COPB1: variants seen among roughly 807,000 people sequenced by gnomAD.
COPB1 encodes coatomer subunit beta.
COPB1 carries 21 observed loss-of-function variants against 108.7 expected under a neutral mutation model. The observed-to-expected ratio is 0.19, with a 90% confidence interval of 0.14 to 0.28. The LOEUF is 0.28. Among genes scored for constraint, COPB1 ranks in the 10% least tolerant of loss-of-function variants. The pLI is 1.00. For synonymous variants in COPB1, 378 were observed against 386.8 expected, an observed-to-expected ratio of 0.98 and a Z score of 0.27; for missense variants, 919 against 1,141.3, an observed-to-expected ratio of 0.81 and a Z score of 2.81.
intron 21 of COPB1, 49 bp from the exon 22 acceptor site, chr11:14,457,932 C>A: frequency 8.8e-7 from 1 of 1,136,668 alleles, no homozygotes; most frequent in South Asian, 1.5e-5. Context: ...TATGTACAAT[C>A]AGTAGGTTAT....
intron 2 of COPB1, among the ~76,000 whole-genome samples, chr11:14,496,155 T>A (rs1851012276): frequency 6.6e-6 from 1 of 152,244 alleles, no homozygotes; most frequent in African/African-American, 2.4e-5. Flanking sequence ...ATTTGAAGCA[T>A]AATTTTCACT....
chr11:14,494,377 C>G lies in COPB1; in HGVS notation c.154G>C (p.Gly52Arg). 1 of 1,612,864 alleles carries G rather than the reference C, an allele frequency of 6.2e-7. No homozygotes were observed. The highest frequency in any genetic ancestry group is 8.5e-7 in the Non-Finnish European group (1 of 1,179,300). ...LKKVIIMILNGEKLPGLLMTI... is the reference protein window; with the variant it reads ...LKKVIIMILNREKLPGLLMTI... ...ATCAGAAGTCCAGGAAGTTTTTCAC[C>G]ATTCAGAATCATAATGATTACTTTC... is the stretch of plus-strand genomic sequence containing the variant. The change falls in exon 3 of 22, where the codon GGT (glycine) becomes CGT (arginine). Residue 52 changes from glycine to arginine, a missense_variant. Coordinates refer to ENST00000439561, the MANE Select transcript of COPB1 (RefSeq NM_001144061.2).
intron 16 of COPB1, among the ~76,000 whole-genome samples, chr11:14,468,160 C>T (rs571077866): frequency 6.6e-6 from 1 of 152,182 alleles, no homozygotes; most frequent in African/African-American, 2.4e-5. Flanking sequence ...CTGCTACTGA[C>T]CTTATCTTAA....
At chr11:14,497,630 G>A (rs1851052463) in intron 2 of COPB1, among the ~76,000 whole-genome samples, 2 of 152,174 alleles carry the variant, frequency 1.3e-5, no homozygotes, top group Admixed American at 1.3e-4. Context: ...AGAACAGTTT[G>A]GAGGGTCCTC....
chr11:14,491,391 C>T (rs560528984), intron 4 of COPB1, among the ~76,000 whole-genome samples: 5 of 152,134 alleles, frequency 3.3e-5, no homozygotes, highest in South Asian at 2.1e-4. Context: ...GAGAAGGAGC[C>T]GGGCGCAGTG....
intron 2 of COPB1, among the ~76,000 whole-genome samples, chr11:14,495,736 A>G (rs1383072710): frequency 5.9e-5 from 9 of 152,216 alleles, no homozygotes; most frequent in African/African-American, 2.2e-4. Flanking sequence ...GGAGGAAGGT[A>G]GCTAAGGCAG....
chr11:14,492,293 T>C (rs1850920517), intron 4 of COPB1, among the ~76,000 whole-genome samples: 1 of 152,074 alleles, frequency 6.6e-6, no homozygotes, highest in South Asian at 2.1e-4. Context: ...TTGTGTAGTC[T>C]GTATGGTAAC....
Position 14,481,077 on chromosome 11 carries a change from T to C in COPB1, c.978A>G (p.Leu326=). 6.2e-7 allele frequency: 1 copy of C among 1,613,046 alleles called. No individual in the cohort carries two copies. The highest frequency in any genetic ancestry group is 8.5e-7 in the Non-Finnish European group (1 of 1,179,654). Residue 326 remains leucine (L), a synonymous_variant, in exon 9 of 22, where the codon CTA becomes CTG. Coordinates refer to ENST00000439561, the MANE Select transcript of COPB1 (RefSeq NM_001144061.2). The part of the protein sequence containing the change: ...RVLQDLVMDI[L]RVLSTPDLEV... ...CTAAGTCTGGTGTGCTCAATACTCT[T>C]AGGATATCCATAACCAGATCCTAAA...
intron 8 of COPB1, 122 bp downstream of exon 8, chr11:14,482,910 G>C: frequency 1.2e-6 from 1 of 834,018 alleles, no homozygotes; most frequent in Non-Finnish European, 1.8e-6. Context: ...CACTTTAGCT[G>C]ATCAAAATAT....
chr11:14,494,995 T>C (rs1565025607), intron 2 of COPB1, among the ~76,000 whole-genome samples: 2 of 152,244 alleles, frequency 1.3e-5, no homozygotes, highest in African/African-American at 4.8e-5. Flanking sequence ...TGTAAAACTT[T>C]AGAATCTTTC....
chr11:14,469,311 T>A (rs1429060853), intron 15 of COPB1, 25 bp downstream of exon 15: 2 of 1,584,154 alleles, frequency 1.3e-6, no homozygotes, highest in African/African-American at 2.7e-5. Flanking sequence ...AAAACACTTT[T>A]GTTGCCTCAT....
chr11:14,483,014 T>C lies in COPB1; in HGVS notation c.957+18A>G. Reference sequence around the variant, plus strand: ...AAAACATTTTATTTAGGATCTCTCTTTTTCAGATAACACTTACCTGTAGTA... The same window carrying C: ...AAAACATTTTATTTAGGATCTCTCTCTTTCAGATAACACTTACCTGTAGTA... On this transcript the variant is annotated intron_variant, in intron 8 of 21. Transcript: ENST00000439561. The C allele has an allele frequency of 6.6e-7, 1 of 1,522,008 alleles. No individual in the cohort carries two copies. Among genetic ancestry groups the C allele is most frequent in the Non-Finnish European group, 8.9e-7 (1 of 1,124,144 alleles). 94.3% of individuals were successfully genotyped at this position (1,522,008 alleles called of 1,614,324 possible).
At chr11:14,485,837 T>C (rs1307353320) in intron 7 of COPB1, among the ~76,000 whole-genome samples, 2 of 152,086 alleles carry the variant, frequency 1.3e-5, no homozygotes, top group Non-Finnish European at 2.9e-5. Context: ...AGCAATACCT[T>C]GTCTCAAAAC....
intron 18 of COPB1, among the ~76,000 whole-genome samples, chr11:14,462,063 ATTT>A: frequency 7.0e-6 from 1 of 142,984 alleles, no homozygotes; most frequent in Admixed American, 7.0e-5. Flanking sequence ...AGACACAACC[ATTT>A]TTTTTTTTTT....
chr11:14,475,877 T>A lies in COPB1; in HGVS notation c.1524A>T (p.Val508=). The A allele has an allele frequency of 6.2e-7, 1 of 1,613,704 alleles. No individual in the cohort carries two copies. The highest frequency in any genetic ancestry group is 8.5e-7 in the Non-Finnish European group (1 of 1,179,822). Residue 508 remains valine, a synonymous_variant, in exon 13 of 22, where the codon GTA becomes GTT. Transcript: ENST00000439561. The part of the protein sequence containing the change: ...GELKPEEEIT[V]GPVQKLVTEM... ...CAGTAACCAATTTCTGAACTGGCCCTACAGTTATTTCTTCTTCAGGTTTTA... is the reference window on the plus strand; with the variant it reads ...CAGTAACCAATTTCTGAACTGGCCCAACAGTTATTTCTTCTTCAGGTTTTA...
chr11:14,497,059 A>G (rs1851037378), intron 2 of COPB1, among the ~76,000 whole-genome samples: 1 of 152,208 alleles, frequency 6.6e-6, no homozygotes, highest in Admixed American at 6.5e-5. Flanking sequence ...TAAAGGCTTA[A>G]ATCTAAGACT....
At chr11:14,497,307 T>C (rs1851044876) in intron 2 of COPB1, among the ~76,000 whole-genome samples, 1 of 150,002 alleles carries the variant, frequency 6.7e-6, no homozygotes, top group South Asian at 2.1e-4. Flanking sequence ...AAGGGATTAA[T>C]AACCAGATAT....
intron 11 of COPB1, among the ~76,000 whole-genome samples, chr11:14,477,666 G>A (rs947635270): frequency 7.9e-5 from 12 of 151,930 alleles, no homozygotes; most frequent in Non-Finnish European, 1.3e-4. Context: ...AGGCTGAGGC[G>A]GGCGGATCAC....
chr11:14,468,446 T>G (rs1054303918), intron 16 of COPB1, among the ~76,000 whole-genome samples: 5 of 152,196 alleles, frequency 3.3e-5, no homozygotes, highest in Non-Finnish European at 5.9e-5. Context: ...CAACTTCTAT[T>G]TATTGGTCTA....
Sources: gnomAD v4.1 joint callset for allele counts (sites outside exome capture counted in the v4.1 genomes callset) on GRCh38, gnomAD v4.1.1 for gene constraint, MANE v1.5 for transcripts, NCBI Gene and HGNC (gene_info 2026-07-23, HGNC 2026-07-21) for gene names.